Variants in MSH4 observed in about 807,000 individuals in gnomAD.
MSH4 encodes mutS protein homolog 4.
Under a neutral mutation model 113.7 loss-of-function variants are expected in MSH4, and 106 were observed. The ratio of observed to expected loss-of-function variants is 0.93; its 90% CI spans 0.80 to 1.10. MSH4 has a LOEUF of 1.10. MSH4 is among the 50% of genes least tolerant of loss of function. The pLI is 0.00. For missense variants in MSH4, 1,061 were observed against 1,093.7 expected (o/e 0.97, Z 0.42); for synonymous variants, 368 against 380.2 (o/e 0.97, Z 0.37).
At position 75,806,985 on chromosome 1, in the gene MSH4, A is replaced by G. The variant is rs1398104923; in HGVS notation, c.432A>G (p.Ser144=). The G allele has an allele frequency of 6.4e-7, 1 of 1,568,152 alleles. No individual in the cohort carries two copies. Among genetic ancestry groups the G allele is most frequent in the Non-Finnish European group, 8.6e-7 (1 of 1,165,422 alleles). Residue 144 remains serine, a synonymous_variant, in exon 3 of 20, where the codon TCA becomes TCG. Transcript: ENST00000263187. The stretch of plus-strand genomic sequence containing the variant: ...TCTTTATTTAAAAATTTACAGCTTC[A>G]TCCTCATCTGCGATTTCTGCACACT... The part of the protein sequence containing the change: ...SWTPQVGYSA[S]SSSAISAHSP...
chr1:75,877,553 T>C (rs957711586), intron 10 of MSH4, among the ~76,000 whole-genome samples: 3 of 152,166 alleles, frequency 2.0e-5, no homozygotes, highest in African/African-American at 7.2e-5. Flanking sequence ...TTGAAGTTAA[T>C]AATAAAACTG....
intron 6 of MSH4, among the ~76,000 whole-genome samples, chr1:75,819,154 C>A (rs191596828): frequency 6.6e-6 from 1 of 152,140 alleles, no homozygotes; most frequent in East Asian, 1.9e-4. Flanking sequence ...TATTTCCCCT[C>A]GCTCTTTGTC....
At chr1:75,800,380 T>C (rs886505098) in intron 1 of MSH4, among the ~76,000 whole-genome samples, 2 of 152,124 alleles carry the variant, frequency 1.3e-5, no homozygotes, top group African/African-American at 4.8e-5. Context: ...ATGGTGAGTA[T>C]GGGGAGACAC....
At chr1:75,862,539 A>C (rs1460390023) in intron 8 of MSH4, among the ~76,000 whole-genome samples, 1 of 152,134 alleles carries the variant, frequency 6.6e-6, no homozygotes, top group Non-Finnish European at 1.5e-5. Context: ...TTTTGTTAAG[A>C]CTGTACAGAT....
At chr1:75,832,538 A>G (rs1570955601) in intron 7 of MSH4, among the ~76,000 whole-genome samples, 1 of 152,178 alleles carries the variant, frequency 6.6e-6, no homozygotes, top group Non-Finnish European at 1.5e-5. Flanking sequence ...AATCCTCAAT[A>G]AAGTACTGGC....
Position 75,816,360 on chromosome 1 carries a change from G to C in MSH4, c.816-13G>C, listed in dbSNP as rs1338618375. 1 of 1,563,074 alleles carries C rather than the reference G, an allele frequency of 6.4e-7. No individual in the cohort carries two copies. Among genetic ancestry groups the C allele is most frequent in the African/African-American group, 1.4e-5 (1 of 73,816 alleles). On this transcript the variant is annotated splice_polypyrimidine_tract_variant and intron_variant, in intron 5 of 19. Transcript: ENST00000263187. ...TAAAGACTTATAGTGATGTATTATTGGTCATCTTTTAGGTATTACTGCCTT... is the reference window on the plus strand; with the variant it reads ...TAAAGACTTATAGTGATGTATTATTCGTCATCTTTTAGGTATTACTGCCTT...
intron 2 of MSH4, among the ~76,000 whole-genome samples, chr1:75,806,235 G>GTTT (rs775023850): frequency 8.2e-5 from 5 of 60,776 alleles, no homozygotes; most frequent in East Asian, 5.4e-4. Context: ...TTTCTGTTTG[G>GTTT]TTTTTTTTTT....
chr1:75,848,176 G>A (rs781716718), intron 7 of MSH4, 33 bp from the exon 8 acceptor site: 3 of 1,439,254 alleles, frequency 2.1e-6, no homozygotes, highest in Non-Finnish European at 2.9e-6. Context: ...GTACCATAAA[G>A]TTTAAATACT....
At chr1:75,897,853 A>G (rs768246947) in intron 17 of MSH4, 54 bp from the exon 18 acceptor site, 185 of 1,152,382 alleles carry the variant, frequency 1.6e-4, no homozygotes, top group Non-Finnish European at 2.0e-4. Flanking sequence ...TTAAAATAGA[A>G]TTTTCTAGTT....
intron 17 of MSH4, 150 bp downstream of exon 17, chr1:75,890,974 T>G (rs1445577302): frequency 1.4e-6 from 1 of 689,768 alleles, no homozygotes; most frequent in Non-Finnish European, 2.2e-6. Context: ...TTCCTTCATT[T>G]CCAATGAAAG....
At chr1:75,881,605 T>G (rs952551293) in intron 14 of MSH4, among the ~76,000 whole-genome samples, 3 of 151,860 alleles carry the variant, frequency 2.0e-5, no homozygotes, top group African/African-American at 4.8e-5. Context: ...TGCAAGAAAC[T>G]AAAGATTCCC....
Position 75,796,938 on chromosome 1 carries a change from G to A in MSH4, c.-48G>A, listed in dbSNP as rs113503311. On this transcript the variant is annotated 5_prime_UTR_variant, in exon 1 of 20. Transcript: ENST00000263187. ...GCTTCTGTAGTTGGGCTACTGGAGGGGTCGCTCAGAAACCTCATACTTCTC... is the reference window on the plus strand; with the variant it reads ...GCTTCTGTAGTTGGGCTACTGGAGGAGTCGCTCAGAAACCTCATACTTCTC... 6.2e-7 allele frequency: 1 copy of A among 1,607,242 alleles called. No homozygotes were observed. The highest frequency in any genetic ancestry group is 8.5e-7 in the Non-Finnish European group (1 of 1,176,058).
chr1:75,894,437 G>A (rs1652328314), intron 17 of MSH4, among the ~76,000 whole-genome samples: 1 of 152,196 alleles, frequency 6.6e-6, no homozygotes, highest in African/African-American at 2.4e-5. Context: ...CACCAAGACT[G>A]ACCTGGCTAT....
At chr1:75,873,505 A>G (rs1370882547) in intron 9 of MSH4, among the ~76,000 whole-genome samples, 1 of 151,880 alleles carries the variant, frequency 6.6e-6, no homozygotes, top group Non-Finnish European at 1.5e-5. Context: ...TTATTTCACC[A>G]CCGAGTTACT....
chr1:75,856,905 C>G (rs747215431), intron 8 of MSH4, among the ~76,000 whole-genome samples: 1 of 152,204 alleles, frequency 6.6e-6, no homozygotes, highest in South Asian at 2.1e-4. Flanking sequence ...CTCCCACCAA[C>G]AGTGTAAAAG....
intron 7 of MSH4, among the ~76,000 whole-genome samples, chr1:75,830,877 C>G (rs1180042457): frequency 1.3e-5 from 2 of 152,088 alleles, no homozygotes; most frequent in East Asian, 1.9e-4. Context: ...AGAAACTTCA[C>G]CAACTGACGA....
chr1:75,803,504 C>T (rs1366990698), intron 1 of MSH4, among the ~76,000 whole-genome samples: 3 of 152,030 alleles, frequency 2.0e-5, no homozygotes, highest in Non-Finnish European at 4.4e-5. Flanking sequence ...GTAATCCCAG[C>T]TACTCGGGAG....
intron 8 of MSH4, among the ~76,000 whole-genome samples, chr1:75,867,297 A>G (rs1239042180): frequency 1.3e-5 from 2 of 152,180 alleles, no homozygotes; most frequent in African/African-American, 4.8e-5. Context: ...ATACAAAGAG[A>G]TGAACTCTTC....
intron 7 of MSH4, among the ~76,000 whole-genome samples, chr1:75,836,884 C>T (rs1487943702): frequency 6.6e-6 from 1 of 152,148 alleles, no homozygotes; most frequent in African/African-American, 2.4e-5. Flanking sequence ...GTATGACTTA[C>T]CCAGTTTCAT....
Sources: gnomAD v4.1 joint callset for allele counts (sites outside exome capture counted in the v4.1 genomes callset) on GRCh38, gnomAD v4.1.1 for gene constraint, MANE v1.5 for transcripts, NCBI Gene and HGNC (gene_info 2026-07-23, HGNC 2026-07-21) for gene names.